NBEAL1: variants seen among roughly 807,000 people sequenced by gnomAD.
NBEAL1 encodes the protein neurobeachin like 1, also known as neurobeachin-like protein 1.
Under a neutral mutation model 351.3 loss-of-function variants are expected in NBEAL1, and 273 were observed. That is an observed-to-expected ratio of 0.78 (90% CI 0.70 to 0.86). NBEAL1 has a LOEUF of 0.86. Ranked by LOEUF, NBEAL1 falls within the 40% of genes least tolerant of loss-of-function variation. The pLI is 0.00. For missense variants in NBEAL1, 2,961 were observed against 3,201.3 expected (o/e 0.92, Z 1.81); for synonymous variants, 1,050 against 1,086.4 (o/e 0.97, Z 0.66).
At chr2:203,211,240 A>T (rs907098986) in intron 54 of NBEAL1, 134 bp downstream of exon 54, 1 of 561,852 alleles carries the variant, frequency 1.8e-6, no homozygotes, top group African/African-American at 1.9e-5. Context: ...TTTAGCAAGT[A>T]TAAAAAATTG....
chr2:203,176,397 G>T (rs2064502071), intron 42 of NBEAL1, among the ~76,000 whole-genome samples: 1 of 151,918 alleles, frequency 6.6e-6, no homozygotes, highest in South Asian at 2.1e-4. Flanking sequence ...GCCAAAGTAA[G>T]TATCTGATAG....
intron 6 of NBEAL1, chr2:203,061,710 T>C (rs937769562): frequency 6.3e-6 from 1 of 159,460 alleles, no homozygotes; most frequent in African/African-American, 2.4e-5. Context: ...GCTAATAATT[T>C]ATCACTTTTA....
chr2:203,180,326 A>G (rs1197724328), intron 42 of NBEAL1, 56 bp from the exon 43 acceptor site: 94 of 1,542,076 alleles, frequency 6.1e-5, no homozygotes, highest in Non-Finnish European at 7.9e-5. Context: ...GTTTTGTTTC[A>G]TGTCTTGTTG....
Position 203,028,464 on chromosome 2 carries a change from A to G in NBEAL1, c.51+12029A>G, listed in dbSNP as rs1160329431. Among the ~76,000 whole-genome samples the G allele has an allele frequency of 2.6e-5, 4 of 152,024 alleles. No individual in the cohort carries two copies. In the East Asian group the frequency reaches 7.7e-4, roughly 29 times the overall value. On this transcript the variant is annotated intron_variant, in intron 2 of 55. Coordinates refer to ENST00000683969, the MANE Select transcript of NBEAL1 (RefSeq NM_001378026.1). Reference sequence around the variant, plus strand: ...CAGGAGGTCAGTTACAGAAAATCTCATTATTCAGAGACTTTTAGTTCTTTA... The same window carrying G: ...CAGGAGGTCAGTTACAGAAAATCTCGTTATTCAGAGACTTTTAGTTCTTTA...
intron 48 of NBEAL1, among the ~76,000 whole-genome samples, chr2:203,198,020 C>CTTTTTTTTT (rs71034228): frequency 8.4e-6 from 1 of 118,608 alleles, no homozygotes; most frequent in African/African-American, 3.1e-5. Flanking sequence ...TTTTTCTTTT[C>CTTTTTTTTT]TTTTTTTTTT....
At chr2:203,059,711 A>T (rs556907529) in intron 6 of NBEAL1, among the ~76,000 whole-genome samples, 1 of 152,312 alleles carries the variant, frequency 6.6e-6, no homozygotes, top group East Asian at 1.9e-4. Flanking sequence ...TGCCCTGCTT[A>T]TGAGTCTTTA....
intron 6 of NBEAL1, among the ~76,000 whole-genome samples, chr2:203,065,686 A>G (rs1456151801): frequency 6.6e-6 from 1 of 152,014 alleles, no homozygotes; most frequent in Non-Finnish European, 1.5e-5. Context: ...CAGGAGGCGG[A>G]GCTTGCAGTG....
chr2:203,138,308 C>A lies in NBEAL1; in HGVS notation c.4712C>A (p.Thr1571Asn), dbSNP rs1481017766. ...SEGLVNSNMW[T>N]EKLLEDMMLL... The stretch of plus-strand genomic sequence containing the variant: ...GGACTAGTTAATTCAAACATGTGGA[C>A]CGAGAAGGTGCAGTAATATCTCTTT... Residue 1571 changes from threonine (T) to asparagine (N), a missense_variant, in exon 30 of 56, where the codon ACC becomes AAC. Thr to Asn is a moderately conservative substitution (Grantham distance 65). Coordinates refer to ENST00000683969, the MANE Select transcript of NBEAL1 (RefSeq NM_001378026.1). 2.5e-6 allele frequency: 4 copies of A among 1,610,720 alleles called. No individual in the cohort carries two copies. In the East Asian group the frequency reaches 8.9e-5, roughly 36 times the overall value.
rs1316066057 is a variant in NBEAL1, at chr2:203,126,645, T to G, written c.3074T>G (p.Leu1025Arg). Residue 1025 changes from leucine to arginine, a missense_variant, in exon 22 of 56, where the codon CTG becomes CGG. Leu to Arg is a moderately radical substitution (Grantham distance 102). Transcript: ENST00000683969. ...QVSLEKNMQL[L>R]QQMYQYLLFD... ...TCATTAGAGAAAAATATGCAGCTCC[T>G]GCAACAAATGTATCAATATTTACTC... is the stretch of plus-strand genomic sequence containing the variant. 6.5e-7 allele frequency: 1 copy of G among 1,530,044 alleles called. No individual in the cohort carries two copies. Among genetic ancestry groups the G allele is most frequent in the Non-Finnish European group, 8.8e-7 (1 of 1,139,092 alleles). 94.8% of individuals were successfully genotyped at this position (1,530,044 alleles called of 1,614,324 possible). A position where few individuals can be genotyped will look rare whatever the true frequency, so the allele number is the denominator to read the frequency against.
intron 12 of NBEAL1, among the ~76,000 whole-genome samples, chr2:203,105,464 C>CAA (rs568007268): frequency 1.4e-5 from 2 of 138,172 alleles, no homozygotes; most frequent in Admixed American, 7.3e-5. Flanking sequence ...GACTCCATCT[C>CAA]AAAAAAAAAA....
chr2:203,210,748 G>A (rs546994881), intron 53 of NBEAL1, among the ~76,000 whole-genome samples: 1 of 152,310 alleles, frequency 6.6e-6, no homozygotes, highest in South Asian at 2.1e-4. Context: ...TCTTTGGAGA[G>A]AGTGAGATTT....
intron 12 of NBEAL1, among the ~76,000 whole-genome samples, chr2:203,103,223 T>G (rs1395181826): frequency 1.3e-5 from 2 of 152,072 alleles, no homozygotes; most frequent in Non-Finnish European, 2.9e-5. Flanking sequence ...GTTAGTGATC[T>G]ATTTTATTAA....
In NBEAL1 at chr2:203,218,322, A is replaced by G. The variant is rs2065918572; in HGVS notation, c.*968A>G. The stretch of plus-strand genomic sequence containing the variant: ...TTTTAGGATTATAGCTAATTTTATT[A>G]TATAGTGTTAAATGTTGTGGTTGAT... On this transcript the variant is annotated 3_prime_UTR_variant, in exon 56 of 56. Transcript: ENST00000683969. 1 of 29,468 alleles carries G rather than the reference A, an allele frequency of 3.4e-5. No individual in the cohort carries two copies. The allele number at this position is 29,468 out of a possible 1,614,324, so 1.8% of individuals were successfully genotyped here.
chr2:203,061,227 A>C (rs2106106713), intron 6 of NBEAL1: 1 of 152,278 alleles, frequency 6.6e-6, no homozygotes, highest in East Asian at 1.9e-4. Flanking sequence ...GGACTTTACC[A>C]GTTTTTTTAC....
intron 10 of NBEAL1, among the ~76,000 whole-genome samples, chr2:203,093,022 GGAGATT>G (rs1490381497): frequency 6.6e-6 from 1 of 151,898 alleles, no homozygotes; most frequent in Admixed American, 6.6e-5. Flanking sequence ...CACAAGGTTA[GGAGATT>G]GAGACCACCC....
intron 11 of NBEAL1, among the ~76,000 whole-genome samples, chr2:203,098,158 G>GTA (rs1183164455): frequency 6.6e-6 from 1 of 151,730 alleles, no homozygotes; most frequent in Non-Finnish European, 1.5e-5. Flanking sequence ...GTCTATACAG[G>GTA]TATAATAAAG....
chr2:203,053,296 G>A (rs2061352057), intron 4 of NBEAL1, among the ~76,000 whole-genome samples: 1 of 151,918 alleles, frequency 6.6e-6, no homozygotes, highest in South Asian at 2.1e-4. Flanking sequence ...GTATCTTATT[G>A]TTTTAATTTG....
At chr2:203,021,599 A>T (rs902260392) in intron 2 of NBEAL1, among the ~76,000 whole-genome samples, 2 of 151,982 alleles carry the variant, frequency 1.3e-5, no homozygotes, top group Non-Finnish European at 2.9e-5. Flanking sequence ...CATTTAAAAA[A>T]AAAAAATTAG....
intron 18 of NBEAL1, among the ~76,000 whole-genome samples, 183 bp from the exon 19 acceptor site, chr2:203,122,071 C>A (rs2062844816): frequency 6.6e-6 from 1 of 152,198 alleles, no homozygotes; most frequent in South Asian, 2.1e-4. Context: ...CAGGCATGAG[C>A]CACCACGCCC....
Sources: allele counts gnomAD v4.1 joint callset (sites outside exome capture counted in the v4.1 genomes callset), GRCh38; gene constraint gnomAD v4.1.1; transcripts MANE v1.5; gene names NCBI Gene and HGNC (gene_info 2026-07-23, HGNC 2026-07-21).